RNF150: variants seen among roughly 807,000 people sequenced by gnomAD.
The protein encoded by RNF150 is ring finger protein 150.
RNF150 carries 24 observed loss-of-function variants against 39.3 expected under a neutral mutation model. That is an observed-to-expected ratio of 0.61 (90% CI 0.44 to 0.86). The LOEUF (loss-of-function observed/expected upper bound fraction) is 0.86, where lower values mean the gene tolerates loss of function less well. Among genes scored for constraint, RNF150 ranks in the 40% least tolerant of loss-of-function variants. The probability of loss-of-function intolerance (pLI) is 0.00; values close to 1 mark genes in which losing one functional copy is unlikely to be tolerated. For missense variants in RNF150, 502 were observed against 587.8 expected, an observed-to-expected ratio of 0.85 and a Z score of 1.51; for synonymous variants, 255 against 227.3, an observed-to-expected ratio of 1.12 and a Z score of -1.10.
chr4:140,869,620 TG>T (rs1308229813), intron 6 of RNF150, among the ~76,000 whole-genome samples: 4 of 152,164 alleles, frequency 2.6e-5, no homozygotes, highest in Admixed American at 6.5e-5. Flanking sequence ...AGCACCAGGA[TG>T]GAAGATGTAC....
chr4:141,133,701 A>G (rs756260302), upstream of RNF150, among the ~76,000 whole-genome samples: 77 of 152,064 alleles, frequency 5.1e-4, no homozygotes, highest in Non-Finnish European at 7.9e-4. Flanking sequence ...TGAGCGTTAC[A>G]TTTAGCAAAT....
intron 1 of RNF150, among the ~76,000 whole-genome samples, chr4:141,006,691 G>A (rs1734884792): frequency 6.6e-6 from 1 of 152,108 alleles, no homozygotes. Context: ...CACCTGTGAC[G>A]TTCATTCATA....
At chr4:141,085,147 T>C (rs1454959739) in intron 1 of RNF150, among the ~76,000 whole-genome samples, 1 of 151,750 alleles carries the variant, frequency 6.6e-6, no homozygotes, top group African/African-American at 2.4e-5. Flanking sequence ...TGATGGAAGG[T>C]GAAGGAGGAG....
intron 6 of RNF150, among the ~76,000 whole-genome samples, chr4:140,890,392 C>G (rs1207222332): frequency 6.6e-6 from 1 of 152,114 alleles, no homozygotes; most frequent in Non-Finnish European, 1.5e-5. Flanking sequence ...ATATTTTTCA[C>G]TATTATAACA....
At chr4:140,930,807 T>C (rs1036414520) in intron 4 of RNF150, among the ~76,000 whole-genome samples, 5 of 152,236 alleles carry the variant, frequency 3.3e-5, no homozygotes, top group Non-Finnish European at 7.3e-5. Context: ...CACCCCCGTG[T>C]TCCATTCTGT....
chr4:140,969,424 C>CT (rs1733371919), intron 1 of RNF150, among the ~76,000 whole-genome samples: 1 of 151,972 alleles, frequency 6.6e-6, no homozygotes, highest in South Asian at 2.1e-4. Flanking sequence ...GCAATTTTGA[C>CT]GCGCCTTTTC....
chr4:140,991,498 C>T (rs867900445), intron 1 of RNF150, among the ~76,000 whole-genome samples: 2 of 152,032 alleles, frequency 1.3e-5, no homozygotes, highest in South Asian at 4.2e-4. Flanking sequence ...AGATTTAAGT[C>T]TTTAATCTAT....
At chr4:141,016,161 C>G (rs1677598155) in intron 1 of RNF150, among the ~76,000 whole-genome samples, 1 of 152,260 alleles carries the variant, frequency 6.6e-6, no homozygotes, top group South Asian at 2.1e-4. Flanking sequence ...CTGACAATAC[C>G]TGCTGTTTAC....
chr4:140,867,043 C>T lies in RNF150; in HGVS notation c.*1218G>A, dbSNP rs553363309. On this transcript the variant is annotated 3_prime_UTR_variant, in exon 7 of 7. Transcript: ENST00000515673. Reference sequence around the variant, plus strand: ...ATCTAGCAAATTCTCATGCTGCATACTTTTTGGTTCAAATGATACAGCAAA... The same window carrying T: ...ATCTAGCAAATTCTCATGCTGCATATTTTTTGGTTCAAATGATACAGCAAA... 6.6e-6 allele frequency: 1 copy of T among 152,284 alleles called. No individual in the cohort carries two copies. Among genetic ancestry groups the T allele is most frequent in the East Asian group, 1.9e-4 (1 of 5,188 alleles). The allele number at this position is 152,284 out of a possible 1,614,324, so 9.4% of individuals were successfully genotyped here. A position where few individuals can be genotyped will look rare whatever the true frequency, so the allele number is the denominator to read the frequency against.
intron 1 of RNF150, among the ~76,000 whole-genome samples, chr4:141,058,850 CAATTG>C (rs775941099): frequency 2.0e-5 from 3 of 152,086 alleles, no homozygotes; most frequent in Non-Finnish European, 4.4e-5. Context: ...TGGAAGGCAC[CAATTG>C]TGTCCTTACA....
intron 1 of RNF150, among the ~76,000 whole-genome samples, chr4:141,034,794 A>G (rs1000294153): frequency 1.3e-5 from 2 of 152,166 alleles, no homozygotes; most frequent in Non-Finnish European, 2.9e-5. Context: ...AATTAAGTTC[A>G]CCATCTTATA....
chr4:141,004,694 A>T (rs1294827945), intron 1 of RNF150, among the ~76,000 whole-genome samples: 3 of 152,222 alleles, frequency 2.0e-5, no homozygotes, highest in Non-Finnish European at 2.9e-5. Context: ...CTAAAAAATC[A>T]TCCCCACTAG....
chr4:140,909,800 T>C (rs1265827673), intron 6 of RNF150, among the ~76,000 whole-genome samples: 1 of 152,186 alleles, frequency 6.6e-6, no homozygotes, highest in African/African-American at 2.4e-5. Flanking sequence ...CTGAGATCTT[T>C]ATACCTATAA....
chr4:141,129,549 A>G (rs1214842026), intron 1 of RNF150, among the ~76,000 whole-genome samples: 5 of 152,230 alleles, frequency 3.3e-5, no homozygotes, highest in Non-Finnish European at 1.5e-5. Context: ...ATGGCTGCAC[A>G]ACTCAGTCAA....
intron 6 of RNF150, among the ~76,000 whole-genome samples, chr4:140,880,782 A>G (rs879707246): frequency 5.3e-5 from 8 of 152,120 alleles, no homozygotes; most frequent in Non-Finnish European, 8.8e-5. Context: ...TTGTCTAGGA[A>G]TTTCTACATT....
chr4:141,041,398 G>T (rs550893006), intron 1 of RNF150, among the ~76,000 whole-genome samples: 1 of 152,186 alleles, frequency 6.6e-6, no homozygotes, highest in African/African-American at 2.4e-5. Context: ...AATGCCATAG[G>T]ATGGCAGAAA....
chr4:141,024,776 T>G (rs532748945), intron 1 of RNF150, among the ~76,000 whole-genome samples: 9 of 152,288 alleles, frequency 5.9e-5, no homozygotes, highest in Non-Finnish European at 1.0e-4. Flanking sequence ...AAGTACATTT[T>G]CCATACAAAG....
Position 140,866,183 on chromosome 4 carries a change from G to A in RNF150, c.*2078C>T, listed in dbSNP as rs887841964. On this transcript the variant is annotated 3_prime_UTR_variant, in exon 7 of 7. Transcript: ENST00000515673. ...ACCATAGTTGTGCCAAGTCTCAAAG[G>A]CTGTTATTACATGATACATGTCAAG... 1 of 152,136 alleles carries A rather than the reference G, an allele frequency of 6.6e-6. No homozygotes were observed. Among genetic ancestry groups the A allele is most frequent in the Admixed American group, 6.5e-5 (1 of 15,270 alleles). The allele number at this position is 152,136 out of a possible 1,614,324, so 9.4% of individuals were successfully genotyped here.
chr4:140,987,643 A>T (rs1734058313), intron 1 of RNF150, among the ~76,000 whole-genome samples: 1 of 152,120 alleles, frequency 6.6e-6, no homozygotes, highest in Non-Finnish European at 1.5e-5. Context: ...TAAACATAAG[A>T]TCTGAAACTA....
Sources: gnomAD v4.1 joint callset for allele counts (sites outside exome capture counted in the v4.1 genomes callset) on GRCh38, gnomAD v4.1.1 for gene constraint, MANE v1.5 for transcripts, NCBI Gene and HGNC (gene_info 2026-07-23, HGNC 2026-07-21) for gene names.